ROCK1: variants seen among roughly 807,000 people sequenced by gnomAD.
ROCK1 encodes Rho associated coiled-coil containing protein kinase 1.
In ROCK1, 36 loss-of-function variants were observed where a neutral mutation model predicts 196.8. That is an observed-to-expected ratio of 0.18 (90% CI 0.14 to 0.24). ROCK1 has a LOEUF of 0.24. Ranked by LOEUF, ROCK1 falls within the 10% of genes least tolerant of loss-of-function variation. The pLI, the probability that ROCK1 is intolerant of heterozygous loss-of-function variation, is 1.00. For missense variants in ROCK1, 920 were observed against 1,562.0 expected, an observed-to-expected ratio of 0.59 and a Z score of 6.93; for synonymous variants, 443 against 515.9, an observed-to-expected ratio of 0.86 and a Z score of 1.91.
In ROCK1 at chr18:20,970,331, C is replaced by G. The variant is rs1404705540; in HGVS notation, c.2820+17G>C. The G allele has an allele frequency of 1.3e-6, 2 of 1,598,946 alleles. No individual in the cohort carries two copies. The highest frequency in any genetic ancestry group is 1.7e-6 in the Non-Finnish European group (2 of 1,167,700). On this transcript the variant is annotated intron_variant, in intron 23 of 32. Coordinates refer to ENST00000399799, the MANE Select transcript of ROCK1 (RefSeq NM_005406.3). ...TTTAAATAAATTTTATATAACTTAC[C>G]TGACTATCACACTTACCCGACTAAC...
At chr18:21,009,771 T>G (rs775248687) in intron 13 of ROCK1, among the ~76,000 whole-genome samples, 1 of 152,222 alleles carries the variant, frequency 6.6e-6, no homozygotes, top group Admixed American at 6.5e-5. Context: ...TAATATTTCA[T>G]GATAGTTTTA....
intron 16 of ROCK1, among the ~76,000 whole-genome samples, chr18:20,999,617 C>A (rs2035704760): frequency 6.6e-6 from 1 of 152,054 alleles, no homozygotes; most frequent in African/African-American, 2.4e-5. Flanking sequence ...AACAAACACA[C>A]AAATGAACAA....
rs1568367312 is a variant in ROCK1 at position 20,959,063 on chromosome 18, T to TATATATATA, written c.3512+776_3512+777insTATATATAT. ...ATAATATATAATATATATATTATAT[T>TATATATATA]TTATATTATATAATATATATATTTT... On this transcript the variant is annotated intron_variant, in intron 29 of 32. Transcript: ENST00000399799. Among the ~76,000 whole-genome samples the TATATATATA allele has an allele frequency of 1.7e-3, 81 of 47,980 alleles. 2 individuals carry two copies. The African/African-American group carries it at 0.017, about 10-fold the overall frequency. The allele number at this position is 47,980 out of a possible 152,430, so 31.5% of individuals were successfully genotyped here.
chr18:20,959,082 ATATTT>A, intron 29 of ROCK1, among the ~76,000 whole-genome samples: 1 of 38,060 alleles, frequency 2.6e-5, no homozygotes, highest in African/African-American at 1.6e-4. Context: ...TATAATATAT[ATATTT>A]TATATAATAT....
intron 11 of ROCK1, among the ~76,000 whole-genome samples, chr18:21,022,855 T>C (rs1348832280): frequency 2.6e-5 from 4 of 152,186 alleles, no homozygotes; most frequent in Middle Eastern, 3.4e-3. Flanking sequence ...TGTGTGTGTA[T>C]ATATGTGTGT....
intron 6 of ROCK1, among the ~76,000 whole-genome samples, chr18:21,043,629 G>A (rs1017747157): frequency 2.7e-5 from 4 of 146,844 alleles, no homozygotes; most frequent in African/African-American, 9.9e-5. Context: ...CTGTGTATAT[G>A]TTATTTATTA....
intron 1 of ROCK1, among the ~76,000 whole-genome samples, chr18:21,078,341 TACACACACACAC>T (rs59499705): frequency 7.8e-5 from 10 of 128,786 alleles, no homozygotes; most frequent in East Asian, 2.3e-4. Flanking sequence ...AACACCCACC[TACACACACACAC>T]ACACACACAC....
chr18:20,969,000 C>T, intron 24 of ROCK1, 115 bp downstream of exon 24: 1 of 875,018 alleles, frequency 1.1e-6, no homozygotes, highest in Non-Finnish European at 1.8e-6. Flanking sequence ...ATTCTTAAGG[C>T]TACAGAAGTT....
Position 20,960,240 on chromosome 18 carries a change from T to C in ROCK1, c.3353-34A>G, listed in dbSNP as rs759537784. 15 of 1,273,354 alleles carry C rather than the reference T, an allele frequency of 1.2e-5. No homozygotes were observed. The South Asian group carries it at 1.8e-4, about 16-fold the overall frequency. The allele number at this position is 1,273,354 out of a possible 1,614,324, so 78.9% of individuals were successfully genotyped here. A position where few individuals can be genotyped will look rare whatever the true frequency, so the allele number is the denominator to read the frequency against. On this transcript the variant is annotated intron_variant, in intron 27 of 32. Transcript: ENST00000399799. ...AAAAGAATATATGTATTAGTCAGTC[T>C]TAAATTGTAACAAAAGAAAAACTAT... is the stretch of plus-strand genomic sequence containing the variant.
chr18:21,000,800 A>G (rs2143426184), intron 16 of ROCK1, among the ~76,000 whole-genome samples: 1 of 152,330 alleles, frequency 6.6e-6, no homozygotes, highest in South Asian at 2.1e-4. Flanking sequence ...AATCCTGTAC[A>G]TTGCTGACAG....
intron 13 of ROCK1, among the ~76,000 whole-genome samples, chr18:21,010,030 A>G (rs2035803443): frequency 6.6e-6 from 1 of 152,050 alleles, no homozygotes; most frequent in African/African-American, 2.4e-5. Flanking sequence ...TTTGATACCT[A>G]TATGGTCTAT....
chr18:20,970,836 A>T (rs2035419059), intron 22 of ROCK1, among the ~76,000 whole-genome samples: 1 of 152,202 alleles, frequency 6.6e-6, no homozygotes, highest in African/African-American at 2.4e-5. Context: ...ATAGTGGAAA[A>T]GTCATTGACT....
intron 13 of ROCK1, among the ~76,000 whole-genome samples, chr18:21,008,502 A>G (rs1598526133): frequency 6.6e-6 from 1 of 152,244 alleles, no homozygotes; most frequent in South Asian, 2.1e-4. Flanking sequence ...TGAACTCTTG[A>G]CCTCAGGTGA....
At chr18:21,089,870 A>C (rs1235633985) in intron 1 of ROCK1, among the ~76,000 whole-genome samples, 1 of 152,226 alleles carries the variant, frequency 6.6e-6, no homozygotes, top group African/African-American at 2.4e-5. Context: ...AAGTGGAAAA[A>C]TCATAAAGTG....
At chr18:21,037,744 C>A (rs1051782598) in intron 9 of ROCK1, among the ~76,000 whole-genome samples, 4 of 152,034 alleles carry the variant, frequency 2.6e-5, no homozygotes, top group African/African-American at 9.7e-5. Flanking sequence ...TAATAAAATG[C>A]CACTGATCTG....
chr18:21,042,162 G>C lies in ROCK1; in HGVS notation c.894C>G (p.Thr298=). 6.2e-7 allele frequency: 1 copy of C among 1,606,364 alleles called. No individual in the cohort carries two copies. The highest frequency in any genetic ancestry group is 8.5e-7 in the Non-Finnish European group (1 of 1,177,046). Residue 298 remains threonine (T), a synonymous_variant, in exon 8 of 33, where the codon ACC becomes ACG. Coordinates refer to ENST00000399799, the MANE Select transcript of ROCK1 (RefSeq NM_005406.3). ...SKIMNHKNSL[T]FPDDNDISKE... is the part of the protein sequence containing the mutation. ...TTGATATGTCATTATCATCAGGAAA[G>C]GTAAGTGAATTTTTATGGTTCATAA... is the stretch of plus-strand genomic sequence containing the variant.
Position 21,006,576 on chromosome 18 carries a change from G to A in ROCK1, c.1660C>T (p.Leu554Phe). Residue 554 changes from leucine to phenylalanine, a missense_variant, in exon 16 of 33, where the codon CTT becomes TTT. Leu to Phe is a conservative substitution (Grantham distance 22). Transcript: ENST00000399799. ...ACAGCTGTGTCCGATTCTGTCCTAA[G>A]TAAGTCATTGGCTTCTTCTAGCTAT... ...QKQLEEANDLLRTESDTAVRL... is the reference protein window; with the variant it reads ...QKQLEEANDLFRTESDTAVRL... 1 of 1,613,506 alleles carries A rather than the reference G, an allele frequency of 6.2e-7. No individual in the cohort carries two copies. The highest frequency in any genetic ancestry group is 1.1e-5 in the South Asian group (1 of 91,010).
intron 12 of ROCK1, among the ~76,000 whole-genome samples, chr18:21,017,543 C>T (rs904719461): frequency 2.0e-5 from 3 of 152,050 alleles, no homozygotes; most frequent in Non-Finnish European, 4.4e-5. Flanking sequence ...TTACAAGCTC[C>T]TTGTGGAGAG....
In ROCK1 at chr18:20,967,068, T is replaced by C. The variant is rs1271130941; in HGVS notation, c.3201A>G (p.Val1067=). The C allele has an allele frequency of 1.9e-6, 3 of 1,603,268 alleles. No individual in the cohort carries two copies. Among genetic ancestry groups the C allele is most frequent in the African/African-American group, 2.7e-5 (2 of 74,516 alleles). The change falls in exon 27 of 33, where the codon GTA becomes GTG. Residue 1067 remains valine, a synonymous_variant. Coordinates refer to ENST00000399799, the MANE Select transcript of ROCK1 (RefSeq NM_005406.3). ...GCTCATTCCTATGTGCACATTCTTC[T>C]ACCAATTGCTAATTTTGAAAAGTAT... ...KELNDMQAQL[V]EECAHRNELQ...
Sources: gnomAD v4.1 joint callset for allele counts (sites outside exome capture counted in the v4.1 genomes callset) on GRCh38, gnomAD v4.1.1 for gene constraint, MANE v1.5 for transcripts, NCBI Gene and HGNC (gene_info 2026-07-23, HGNC 2026-07-21) for gene names.